Variants in FAM178B observed in about 807,000 individuals in gnomAD.
FAM178B encodes the protein protein FAM178B.
FAM178B carries 82 observed loss-of-function variants against 91.7 expected under a neutral mutation model. The ratio of observed to expected loss-of-function variants is 0.89; its 90% CI spans 0.75 to 1.07. FAM178B has a LOEUF of 1.07. Ranked by LOEUF, FAM178B falls within the 50% of genes least tolerant of loss-of-function variation. FAM178B has a pLI of 0.00. For synonymous variants in FAM178B, 368 were observed against 359.4 expected (o/e 1.02, Z -0.27); for missense variants, 769 against 846.7 (o/e 0.91, Z 1.14).
At chr2:96,967,181 C>G (rs904671002) in intron 5 of FAM178B, among the ~76,000 whole-genome samples, 1 of 152,156 alleles carries the variant, frequency 6.6e-6, no homozygotes, top group Non-Finnish European at 1.5e-5. Flanking sequence ...TGGTCGTAAC[C>G]TCCCCTTGAA....
At position 96,971,887 on chromosome 2, in the gene FAM178B, G is replaced by T; in HGVS notation, c.564+14C>A. ...TAGCCAAGGAGAAGAGGCCAAGGGT[G>T]GACACAGGCTCACCTCTGGGGCCGC... On this transcript the variant is annotated intron_variant, in intron 3 of 16. Transcript: ENST00000490605. 1 of 1,472,828 alleles carries T rather than the reference G, an allele frequency of 6.8e-7. No homozygotes were observed. The highest frequency in any genetic ancestry group is 1.4e-5 in the South Asian group (1 of 70,142). 91.2% of individuals were successfully genotyped at this position (1,472,828 alleles called of 1,614,324 possible).
intron 14 of FAM178B, among the ~76,000 whole-genome samples, chr2:96,886,747 G>A (rs1199014989): frequency 2.0e-5 from 3 of 152,218 alleles, no homozygotes; most frequent in Non-Finnish European, 4.4e-5. Flanking sequence ...CCTGCAGACT[G>A]AGGATGGCGT....
intron 8 of FAM178B, among the ~76,000 whole-genome samples, chr2:96,931,849 T>C (rs1410468935): frequency 1.3e-5 from 2 of 151,524 alleles, no homozygotes; most frequent in Non-Finnish European, 2.9e-5. Flanking sequence ...AACTTTCTTG[T>C]TTGTTTGTTT....
intron 9 of FAM178B, among the ~76,000 whole-genome samples, chr2:96,927,190 T>C (rs968715675): frequency 2.6e-5 from 4 of 152,140 alleles, no homozygotes; most frequent in Admixed American, 6.5e-5. Context: ...CTCCAATCCA[T>C]GACACAACGC....
chr2:96,881,541 A>C (rs145983181), intron 14 of FAM178B, among the ~76,000 whole-genome samples: 2 of 151,068 alleles, frequency 1.3e-5, no homozygotes, highest in African/African-American at 4.9e-5. Context: ...CTCTCGGGGG[A>C]GTCTCTTTGT....
intron 7 of FAM178B, chr2:96,949,975 G>C: frequency 1.0e-6 from 1 of 985,602 alleles, no homozygotes; most frequent in Non-Finnish European, 1.2e-6. Flanking sequence ...CACCAAGTCT[G>C]TCTGTCTGAC....
chr2:96,920,387 G>T (rs1395134022), intron 12 of FAM178B, among the ~76,000 whole-genome samples: 1 of 152,154 alleles, frequency 6.6e-6, no homozygotes, highest in Admixed American at 6.5e-5. Context: ...ACATCACGAG[G>T]TCAGGAGATT....
At chr2:96,940,867 T>C (rs2081718088) in intron 8 of FAM178B, among the ~76,000 whole-genome samples, 1 of 152,202 alleles carries the variant, frequency 6.6e-6, no homozygotes, top group African/African-American at 2.4e-5. Context: ...TATGTATTAA[T>C]TTTTTGTTTT....
intron 8 of FAM178B, among the ~76,000 whole-genome samples, chr2:96,934,060 C>G (rs992997532): frequency 6.6e-6 from 1 of 152,254 alleles, no homozygotes; most frequent in African/African-American, 2.4e-5. Context: ...CGTGCATTCA[C>G]TCAGCAAATG....
intron 5 of FAM178B, 133 bp from the exon 6 acceptor site, chr2:96,960,573 G>T: frequency 9.3e-7 from 1 of 1,075,886 alleles, no homozygotes; most frequent in Non-Finnish European, 1.3e-6. Flanking sequence ...AAACCAAGGG[G>T]ACAGCGCCAC....
chr2:96,975,249 G>A (rs745867427), intron 1 of FAM178B, among the ~76,000 whole-genome samples: 2 of 152,082 alleles, frequency 1.3e-5, no homozygotes, highest in Non-Finnish European at 2.9e-5. Context: ...GTATAGTTAT[G>A]CACTATGTAT....
At chr2:96,894,428 G>A (rs1433038376) in intron 13 of FAM178B, among the ~76,000 whole-genome samples, 2 of 71,170 alleles carry the variant, frequency 2.8e-5, no homozygotes, top group African/African-American at 5.9e-5. Context: ...ACTCACCCAC[G>A]TACACACAGA....
chr2:96,914,973 T>TG, intron 12 of FAM178B, among the ~76,000 whole-genome samples: 1 of 148,080 alleles, frequency 6.8e-6, no homozygotes, highest in Non-Finnish European at 1.5e-5. Flanking sequence ...CACAATGATG[T>TG]GGGGCAGGGG....
intron 9 of FAM178B, among the ~76,000 whole-genome samples, chr2:96,926,269 T>TTGTTG (rs2081436627): frequency 6.6e-6 from 1 of 151,988 alleles, no homozygotes; most frequent in African/African-American, 2.4e-5. Context: ...ATCACTGCAC[T>TTGTTG]CCAGCCTGGG....
chr2:96,910,190 G>A (rs572355296), intron 12 of FAM178B, among the ~76,000 whole-genome samples: 13 of 152,208 alleles, frequency 8.5e-5, no homozygotes, highest in South Asian at 4.2e-4. Flanking sequence ...CTCCCAAGCC[G>A]GAATCCCCTA....
At chr2:96,936,181 T>C (rs1665910218) in intron 8 of FAM178B, among the ~76,000 whole-genome samples, 1 of 150,270 alleles carries the variant, frequency 6.7e-6, no homozygotes, top group Non-Finnish European at 1.5e-5. Flanking sequence ...ACAAAAGTAT[T>C]CTTCTTTTTA....
chr2:96,910,759 C>T (rs1287202293), intron 12 of FAM178B, among the ~76,000 whole-genome samples: 2 of 151,838 alleles, frequency 1.3e-5, no homozygotes, highest in Admixed American at 6.6e-5. Flanking sequence ...AGCTTCAGTG[C>T]AAGATCTCCC....
chr2:96,930,297 CT>C (rs1038367718), intron 8 of FAM178B, among the ~76,000 whole-genome samples: 15 of 145,572 alleles, frequency 1.0e-4, no homozygotes, highest in African/African-American at 3.8e-4. Context: ...TACTCAGGGC[CT>C]TTTTTTCTGT....
At chr2:96,917,897 C>T (rs949675374) in intron 12 of FAM178B, among the ~76,000 whole-genome samples, 1 of 152,148 alleles carries the variant, frequency 6.6e-6, no homozygotes, top group African/African-American at 2.4e-5. Context: ...GTTGGGTCCC[C>T]ACTGGCTGTT....
Sources: allele counts gnomAD v4.1 joint callset (sites outside exome capture counted in the v4.1 genomes callset), GRCh38; gene constraint gnomAD v4.1.1; transcripts MANE v1.5; gene names NCBI Gene and HGNC (gene_info 2026-07-23, HGNC 2026-07-21).